Variants in CCDC171 observed in about 807,000 individuals in gnomAD.
CCDC171 encodes the protein coiled-coil domain containing 171, also known as coiled-coil domain-containing protein 171.
CCDC171 carries 177 observed loss-of-function variants against 168.2 expected under a neutral mutation model. The observed-to-expected ratio is 1.05, with a 90% CI of 0.93 to 1.19. The LOEUF (loss-of-function observed/expected upper bound fraction) is 1.19. Ranked by LOEUF, CCDC171 falls within the 50% of genes most tolerant of loss-of-function variation. CCDC171 has a pLI of 0.00. For missense variants in CCDC171, 1,991 were observed against 1,539.0 expected (o/e 1.29, Z -4.91); for synonymous variants, 687 against 540.8 (o/e 1.27, Z -3.75).
chr9:15,848,819 G>A lies in CCDC171; in HGVS notation c.3414-74G>A, dbSNP rs1169386098. The A allele has an allele frequency of 2.6e-5, 19 of 742,064 alleles. No individual in the cohort carries two copies. The South Asian group carries it at 3.0e-4, about 12-fold the overall frequency. The allele number at this position is 742,064 out of a possible 1,614,324, so 46.0% of individuals were successfully genotyped here. On this transcript the variant is annotated intron_variant, in intron 22 of 25. Coordinates refer to ENST00000380701, the MANE Select transcript of CCDC171 (RefSeq NM_173550.4). ...CAGACCCTTATTTTTTAATACCAGT[G>A]ACTTATACTAAAATGTGTAACAGTT...
intron 21 of CCDC171, among the ~76,000 whole-genome samples, chr9:15,826,793 C>A (rs2060032118): frequency 6.6e-6 from 1 of 152,184 alleles, no homozygotes; most frequent in Non-Finnish European, 1.5e-5. Flanking sequence ...CCTGCTGTGC[C>A]ATGCTCTATT....
intron 10 of CCDC171, among the ~76,000 whole-genome samples, chr9:15,680,138 A>G (rs1048882682): frequency 6.6e-6 from 1 of 152,206 alleles, no homozygotes; most frequent in African/African-American, 2.4e-5. Flanking sequence ...CCAAGAGGAT[A>G]TGAATGCATT....
chr9:15,617,934 T>G (rs1209782614), intron 6 of CCDC171, among the ~76,000 whole-genome samples: 1 of 152,128 alleles, frequency 6.6e-6, no homozygotes. Flanking sequence ...TTATATGAGG[T>G]GTCTGTCGAT....
chr9:15,648,128 C>G (rs948671761), intron 7 of CCDC171, among the ~76,000 whole-genome samples: 1 of 152,168 alleles, frequency 6.6e-6, no homozygotes, highest in Non-Finnish European at 1.5e-5. Context: ...ATCACATAAA[C>G]AGAACCAATG....
chr9:16,056,550 T>C (rs1021385777), intron 1 of CCDC171, among the ~76,000 whole-genome samples: 6 of 152,034 alleles, frequency 3.9e-5, no homozygotes, highest in Non-Finnish European at 1.5e-5. Context: ...TGCAGCAGCA[T>C]GATCTCGGCT....
intron 21 of CCDC171, among the ~76,000 whole-genome samples, chr9:15,787,495 C>T (rs367799425): frequency 6.6e-6 from 1 of 152,144 alleles, no homozygotes; most frequent in East Asian, 1.9e-4. Context: ...CCTCCTCTTC[C>T]TTCTCTCACT....
intron 25 of CCDC171, among the ~76,000 whole-genome samples, chr9:15,949,235 A>G (rs1589220073): frequency 6.6e-6 from 1 of 152,088 alleles, no homozygotes; most frequent in Non-Finnish European, 1.5e-5. Context: ...GCCTTGTAGT[A>G]TAGTTTGAAG....
chr9:15,683,529 T>C (rs982608337), intron 10 of CCDC171, among the ~76,000 whole-genome samples: 1 of 152,078 alleles, frequency 6.6e-6, no homozygotes, highest in South Asian at 2.1e-4. Flanking sequence ...ACATGGGCAT[T>C]GTTTTTGCTA....
At chr9:15,757,696 A>T (rs1249303344) in intron 18 of CCDC171, among the ~76,000 whole-genome samples, 2 of 152,174 alleles carry the variant, frequency 1.3e-5, no homozygotes, top group Non-Finnish European at 2.9e-5. Context: ...CCAGAGTCTT[A>T]GGAGAAAATG....
chr9:15,725,046 T>A, intron 14 of CCDC171, 70 bp downstream of exon 14: 1 of 1,102,192 alleles, frequency 9.1e-7, no homozygotes, highest in Non-Finnish European at 1.4e-6. Context: ...ATCAAGTGAC[T>A]ATTTTTACTT....
At chr9:15,649,880 C>T (rs1036697639) in intron 7 of CCDC171, among the ~76,000 whole-genome samples, 8 of 152,188 alleles carry the variant, frequency 5.3e-5, no homozygotes, top group African/African-American at 1.9e-4. Context: ...ACGGTTTGAG[C>T]CAGCCATCCC....
intron 23 of CCDC171, among the ~76,000 whole-genome samples, chr9:15,855,912 A>G (rs2061333582): frequency 6.6e-6 from 1 of 152,092 alleles, no homozygotes; most frequent in Non-Finnish European, 1.5e-5. Context: ...TGTTTTATAT[A>G]GTTGTCTTTT....
At chr9:15,768,219 A>G (rs1011881113) in intron 18 of CCDC171, among the ~76,000 whole-genome samples, 1 of 151,750 alleles carries the variant, frequency 6.6e-6, no homozygotes, top group Non-Finnish European at 1.5e-5. Flanking sequence ...AAAATTCAGC[A>G]TATTCAAATT....
At chr9:15,681,438 C>G (rs962721362) in intron 10 of CCDC171, among the ~76,000 whole-genome samples, 1 of 152,008 alleles carries the variant, frequency 6.6e-6, no homozygotes, top group Non-Finnish European at 1.5e-5. Context: ...TCTTCCTCTT[C>G]TTTCTTCTTC....
intron 11 of CCDC171, 50 bp downstream of exon 11, chr9:15,695,387 C>A (rs1195356543): frequency 7.1e-7 from 1 of 1,406,610 alleles, no homozygotes; most frequent in East Asian, 2.3e-5. Flanking sequence ...GTTCCAAAGT[C>A]ACTACATTTT....
At chr9:15,983,214 A>G (rs1831861732) in intron 3 of CCDC171, among the ~76,000 whole-genome samples, 1 of 151,904 alleles carries the variant, frequency 6.6e-6, no homozygotes, top group South Asian at 2.1e-4. Context: ...TTAAGGTTAT[A>G]CCCTCCTGCT....
intron 8 of CCDC171, among the ~76,000 whole-genome samples, chr9:15,662,983 C>T (rs1277295178): frequency 6.4e-5 from 2 of 31,038 alleles, no homozygotes; most frequent in Non-Finnish European, 1.6e-4. Context: ...TTCGTCTCAA[C>T]AACAACAACA....
intron 16 of CCDC171, among the ~76,000 whole-genome samples, chr9:15,742,712 C>G (rs2054964569): frequency 6.6e-6 from 1 of 152,122 alleles, no homozygotes; most frequent in African/African-American, 2.4e-5. Context: ...CCTCTGGCAA[C>G]CTGGAATATC....
At chr9:15,800,985 C>G (rs1170648656) in intron 21 of CCDC171, among the ~76,000 whole-genome samples, 2 of 151,992 alleles carry the variant, frequency 1.3e-5, no homozygotes, top group Non-Finnish European at 2.9e-5. Context: ...GTTTTTATGC[C>G]AGTACCATGC....
Sources: allele counts gnomAD v4.1 joint callset (sites outside exome capture counted in the v4.1 genomes callset), GRCh38; gene constraint gnomAD v4.1.1; transcripts MANE v1.5; gene names NCBI Gene and HGNC (gene_info 2026-07-23, HGNC 2026-07-21).